Variants in CCDC88A observed in about 807,000 individuals in gnomAD.
CCDC88A encodes girdin.
A neutral mutation model predicts 234.3 loss-of-function variants in CCDC88A; 54 were observed. That is an observed-to-expected ratio of 0.23 (90% CI 0.19 to 0.29). The LOEUF is 0.29. Among genes scored for constraint, CCDC88A ranks in the 10% least tolerant of loss-of-function variants. CCDC88A has a pLI of 1.00. For synonymous variants in CCDC88A, 753 were observed against 737.8 expected, an observed-to-expected ratio of 1.02 and a Z score of -0.33; for missense variants, 1,832 against 2,123.4, an observed-to-expected ratio of 0.86 and a Z score of 2.70.
intron 2 of CCDC88A, among the ~76,000 whole-genome samples, chr2:55,392,745 T>G (rs1676849929): frequency 6.6e-6 from 1 of 152,202 alleles, no homozygotes; most frequent in Non-Finnish European, 1.5e-5. Context: ...AATTTGTAGC[T>G]TTTCCATACT....
intron 28 of CCDC88A, 199 bp downstream of exon 28, chr2:55,301,007 G>A: frequency 2.0e-6 from 1 of 511,820 alleles, no homozygotes; most frequent in Non-Finnish European, 3.4e-6. Flanking sequence ...CTAAAACAGA[G>A]AACATTTAGA....
chr2:55,339,160 T>C (rs1668161956), intron 13 of CCDC88A: 1 of 201,180 alleles, frequency 5.0e-6, no homozygotes, highest in Non-Finnish European at 9.9e-6. Flanking sequence ...GGTTTCACCA[T>C]GTTGGCTAGG....
intron 2 of CCDC88A, among the ~76,000 whole-genome samples, chr2:55,411,837 C>T (rs1179439682): frequency 6.9e-6 from 1 of 145,178 alleles, no homozygotes; most frequent in Non-Finnish European, 1.5e-5. Context: ...TATTGGAAAC[C>T]AAACTGAAAG....
At chr2:55,360,142 A>C (rs529892417) in intron 7 of CCDC88A, among the ~76,000 whole-genome samples, 2 of 152,324 alleles carry the variant, frequency 1.3e-5, no homozygotes, top group South Asian at 4.1e-4. Context: ...TCTTAAATTC[A>C]TTAAAAATCT....
chr2:55,335,319 G>A lies in CCDC88A; in HGVS notation c.1657-155C>T, dbSNP rs1685346962. Among the ~76,000 whole-genome samples the A allele has an allele frequency of 2.0e-5, 1 of 50,526 alleles. No homozygotes were observed. The highest frequency in any genetic ancestry group is 3.8e-5 in the Non-Finnish European group (1 of 26,126). 33.1% of individuals were successfully genotyped at this position (50,526 alleles called of 152,430 possible). On this transcript the variant is annotated intron_variant, in intron 14 of 32. Coordinates refer to ENST00000436346, the MANE Select transcript of CCDC88A (RefSeq NM_001365480.1). This position sits in a 1 kb window ranked among gnomAD's most constrained non-coding sequence, Gnocchi z 4.5. ...ACAAGTATTTACTGAAGACCACTGTGTACACTTACTGTGAGGTCATTTACT... is the reference window on the plus strand; with the variant it reads ...ACAAGTATTTACTGAAGACCACTGTATACACTTACTGTGAGGTCATTTACT...
In CCDC88A at chr2:55,375,774, C is replaced by T. The variant is rs1424978933; in HGVS notation, c.274-891G>A. On this transcript the variant is annotated intron_variant, in intron 3 of 32. Coordinates refer to ENST00000436346, the MANE Select transcript of CCDC88A (RefSeq NM_001365480.1). ...AACTCCTGACCTCAAGTGATCCACC[C>T]GCCTTGGCCTCCCAAAGTGTTGAGA... 2.0e-5 allele frequency among the ~76,000 whole-genome samples: 3 copies of T among 151,710 alleles called. No individual in the cohort carries two copies. In the East Asian group the frequency reaches 5.8e-4, roughly 29 times the overall value.
intron 2 of CCDC88A, among the ~76,000 whole-genome samples, chr2:55,415,576 G>A (rs992124334): frequency 6.6e-6 from 1 of 152,194 alleles, no homozygotes; most frequent in Non-Finnish European, 1.5e-5. Context: ...GGTCTGAGCT[G>A]AGGGGACAGA....
chr2:55,397,326 C>A (rs977695188), intron 2 of CCDC88A: 1 of 152,120 alleles, frequency 6.6e-6, no homozygotes, highest in Admixed American at 6.6e-5. Flanking sequence ...AACTCCTGGC[C>A]TCAAGTGATC....
intron 13 of CCDC88A, chr2:55,339,244 C>G (rs1413406300): frequency 2.2e-6 from 1 of 450,020 alleles, no homozygotes; most frequent in Admixed American, 4.2e-5. Context: ...CAGGCGTGAG[C>G]CCCCGCACCT....
intron 2 of CCDC88A, chr2:55,417,757 C>A (rs1196881803): frequency 6.6e-6 from 1 of 151,884 alleles, no homozygotes; most frequent in Admixed American, 6.6e-5. Flanking sequence ...GACTTCTACC[C>A]TCTTAAACAT....
At chr2:55,293,307 C>T (rs1014249172) in intron 31 of CCDC88A, among the ~76,000 whole-genome samples, 3 of 151,988 alleles carry the variant, frequency 2.0e-5, no homozygotes, top group Admixed American at 6.6e-5. Flanking sequence ...GCTATGTTTA[C>T]TATTAAGTTT....
At chr2:55,384,666 TA>T (rs370115421) in intron 3 of CCDC88A, among the ~76,000 whole-genome samples, 66,374 of 109,658 alleles carry the variant, frequency 0.61, 30,236 homozygotes, top group Admixed American at 0.7. Context: ...TATATATATA[TA>T]TTTTTTAAAG....
At chr2:55,370,525 C>T (rs1672660178) in intron 5 of CCDC88A, among the ~76,000 whole-genome samples, 1 of 151,108 alleles carries the variant, frequency 6.6e-6, no homozygotes, top group Non-Finnish European at 1.5e-5. Flanking sequence ...TCTATCATCC[C>T]AGCTACTTGG....
Position 55,335,260 on chromosome 2 carries a change from A to C in CCDC88A, c.1657-96T>G. ...ACTACCAAGAAAAGGGGAACAAAAAAAGGGTGCTAGAACATGTCTTACTTT... is the reference window on the plus strand; with the variant it reads ...ACTACCAAGAAAAGGGGAACAAAAACAGGGTGCTAGAACATGTCTTACTTT... On this transcript the variant is annotated intron_variant, in intron 14 of 32. Transcript: ENST00000436346. This position sits in a 1 kb window ranked among gnomAD's most constrained non-coding sequence, Gnocchi z 4.5. The C allele has an allele frequency of 1.3e-6, 1 of 742,232 alleles. No homozygotes were observed. The highest frequency in any genetic ancestry group is 3.3e-5 in the Admixed American group (1 of 30,248). 46.0% of individuals were successfully genotyped at this position (742,232 alleles called of 1,614,324 possible).
At chr2:55,351,345 G>A (rs1256349041) in intron 8 of CCDC88A, among the ~76,000 whole-genome samples, 1 of 151,134 alleles carries the variant, frequency 6.6e-6, no homozygotes, top group Non-Finnish European at 1.5e-5. Context: ...ATTTTTTTCA[G>A]GTTTTTTTTT....
rs192490521 is a variant in CCDC88A at position 55,368,195 on chromosome 2, G to C, written c.403-4162C>G. On this transcript the variant is annotated intron_variant, in intron 5 of 32. Transcript: ENST00000436346. Reference sequence around the variant, plus strand: ...AAAAAGATTCTGGAGGAACTTGACTGAGTTGGACAGCCAATAACAAAAATA... The same window carrying C: ...AAAAAGATTCTGGAGGAACTTGACTCAGTTGGACAGCCAATAACAAAAATA... Among the ~76,000 whole-genome samples, 648 of 152,314 alleles carry C rather than the reference G, an allele frequency of 4.3e-3. 2 individuals are homozygous for C. The highest frequency in any genetic ancestry group is 0.01 in the Middle Eastern group (3 of 294).
At chr2:55,294,375 T>G (rs1032695981) in intron 31 of CCDC88A, 1 of 970,806 alleles carries the variant, frequency 1.0e-6, no homozygotes, top group African/African-American at 1.8e-5. Context: ...ACATTTAAAT[T>G]TGATGGGGTT....
intron 2 of CCDC88A, among the ~76,000 whole-genome samples, chr2:55,397,858 GA>G (rs1677883877): frequency 6.6e-6 from 1 of 151,882 alleles, no homozygotes; most frequent in Non-Finnish European, 1.5e-5. Flanking sequence ...AATCTTTTAA[GA>G]ATTTTTTGTA....
In CCDC88A at chr2:55,328,534, T is replaced by C. The variant is rs1198598319; in HGVS notation, c.2856-99A>G. The C allele has an allele frequency of 2.5e-6, 2 of 784,942 alleles. No individual in the cohort carries two copies. The highest frequency in any genetic ancestry group is 3.8e-6 in the Non-Finnish European group (2 of 531,554). 48.6% of individuals were successfully genotyped at this position (784,942 alleles called of 1,614,324 possible). On this transcript the variant is annotated intron_variant, in intron 16 of 32. Transcript: ENST00000436346. This position sits in a 1 kb window ranked among gnomAD's most constrained non-coding sequence, Gnocchi z 4.3. ...AAATATTCATGCCATAAATGGGTCT[T>C]ATAAAAGCATTTTTGTTAAAGAGGC...
Sources: gnomAD v4.1 joint callset for allele counts (sites outside exome capture counted in the v4.1 genomes callset) on GRCh38, gnomAD v4.1.1 for gene constraint, Gnocchi (gnomAD v3.1) non-coding constraint, MANE v1.5 for transcripts, NCBI Gene and HGNC (gene_info 2026-07-23, HGNC 2026-07-21) for gene names.